The following UTP18 variants were observed in gnomAD, a reference collection of about 807,000 sequenced individuals.
The protein encoded by UTP18 is U3 small nucleolar RNA-associated protein 18 homolog.
UTP18 carries 36 observed loss-of-function variants against 61.1 expected under a neutral mutation model. The ratio of observed to expected loss-of-function variants is 0.59; its 90% confidence interval spans 0.45 to 0.78. UTP18 has a LOEUF of 0.78. Among genes scored for constraint, UTP18 ranks in the 30% least tolerant of loss-of-function variants. UTP18 has a pLI of 0.00. For missense variants in UTP18, 753 were observed against 693.9 expected, an observed-to-expected ratio of 1.09 and a Z score of -0.96; for synonymous variants, 282 against 251.1, an observed-to-expected ratio of 1.12 and a Z score of -1.16.
chr17:51,266,297 A>G lies in UTP18; in HGVS notation c.554+17A>G, dbSNP rs9911123. 124,955 of 1,558,202 alleles carry G rather than the reference A, an allele frequency of 0.08. 8,622 individuals carry two copies. Among genetic ancestry groups the G allele is most frequent in the African/African-American group, 0.37 (26,374 of 71,904 alleles). On this transcript the variant is annotated intron_variant, in intron 3 of 13. Coordinates refer to ENST00000225298, the MANE Select transcript of UTP18 (RefSeq NM_016001.3). ...TAAAGAAGAGTAAGTGTCTTTTTTC[A>G]TATGATTTACCAAGAGGTGTATGTA...
chr17:51,264,688 T>G (rs1271489014), intron 2 of UTP18, among the ~76,000 whole-genome samples: 1 of 147,414 alleles, frequency 6.8e-6, no homozygotes, highest in Non-Finnish European at 1.5e-5. Context: ...AGTCATTGTC[T>G]TCTTTTTTTT....
At chr17:51,286,438 G>A (rs1905117573) in intron 10 of UTP18, 1 of 455,610 alleles carries the variant, frequency 2.2e-6, no homozygotes, top group Non-Finnish European at 4.4e-6. Context: ...TTGTTGTCCA[G>A]AAACTTAGCA....
chr17:51,268,587 A>C (rs1299161522), intron 3 of UTP18, among the ~76,000 whole-genome samples: 2 of 152,246 alleles, frequency 1.3e-5, no homozygotes, highest in African/African-American at 4.8e-5. Context: ...AGATGGAAAT[A>C]ATTAACAAAA....
At chr17:51,280,929 G>A (rs898018309) in intron 9 of UTP18, among the ~76,000 whole-genome samples, 1 of 151,724 alleles carries the variant, frequency 6.6e-6, no homozygotes, top group Non-Finnish European at 1.5e-5. Flanking sequence ...TGTAATCCCA[G>A]CACTTTGGGA....
In UTP18 at chr17:51,260,559, G is replaced by A. The variant is rs776083391; in HGVS notation, c.-26G>A. ...ATGCGCAGCGAGGTTCCACGTGAGC[G>A]CCTGCGTTTCTCCTCAAACCTAACG... On this transcript the variant is annotated 5_prime_UTR_variant, in exon 1 of 14. Transcript: ENST00000225298. 8 of 1,598,784 alleles carry A rather than the reference G, an allele frequency of 5.0e-6. No homozygotes were observed. In the East Asian group the frequency reaches 1.6e-4, roughly 31 times the overall value.
rs201970296 is a variant in UTP18, at chr17:51,296,996, T to C, written c.*7T>C. The C allele has an allele frequency of 1.0e-3, 1,597 of 1,604,368 alleles. 3 individuals are homozygous for C. Among genetic ancestry groups the C allele is most frequent in the Non-Finnish European group, 1.2e-3 (1,443 of 1,176,378 alleles). ...CCATTACTCAGACTTCTAAAGAGAC[T>C]ATTTGAAGTAAGAAAACCCTTTTCT... On this transcript the variant is annotated 3_prime_UTR_variant, in exon 13 of 14. Transcript: ENST00000225298.
intron 11 of UTP18, 93 bp from the exon 12 acceptor site, chr17:51,293,810 T>C: frequency 8.9e-7 from 1 of 1,125,734 alleles, no homozygotes; most frequent in South Asian, 2.4e-5. Context: ...AAATGAGCTT[T>C]ATGTTTCAGC....
At chr17:51,286,351 A>T in intron 10 of UTP18, 4 of 377,386 alleles carry the variant, frequency 1.1e-5, no homozygotes, top group Admixed American at 3.4e-5. Flanking sequence ...GGTTTTTGTG[A>T]TTTTCTTAGA....
At chr17:51,297,112 A>G in intron 13 of UTP18, 109 bp downstream of exon 13, 2 of 921,390 alleles carry the variant, frequency 2.2e-6, no homozygotes, top group East Asian at 2.7e-5. Flanking sequence ...CCCCTAAGTT[A>G]CTGCATCTTT....
intron 11 of UTP18, among the ~76,000 whole-genome samples, chr17:51,293,123 C>A (rs994672217): frequency 6.6e-6 from 1 of 152,162 alleles, no homozygotes; most frequent in African/African-American, 2.4e-5. Context: ...TCCCTGTGAT[C>A]AGATTTTAGT....
chr17:51,286,726 G>C lies in UTP18; in HGVS notation c.1329-1303G>C, dbSNP rs531131385. 7.2e-5 allele frequency among the ~76,000 whole-genome samples: 11 copies of C among 152,270 alleles called. No homozygotes were observed. In the South Asian group the frequency reaches 2.3e-3, roughly 32 times the overall value. ...TCAGCACAAGCCAAGCATTTACCAG[G>C]GTAGTGTGCGCTATGGCAGCAATTC... On this transcript the variant is annotated intron_variant, in intron 10 of 13. Coordinates refer to ENST00000225298, the MANE Select transcript of UTP18 (RefSeq NM_016001.3).
At position 51,293,307 on chromosome 17, in the gene UTP18, T is replaced by C. The variant is rs1905279633; in HGVS notation, c.1504-596T>C. ...TTAATAACACATTAAAGATCAAATT[T>C]TATAGTGTGTACACATGGACACAGT... On this transcript the variant is annotated intron_variant, in intron 11 of 13. Coordinates refer to ENST00000225298, the MANE Select transcript of UTP18 (RefSeq NM_016001.3). Among the ~76,000 whole-genome samples the C allele has an allele frequency of 2.0e-5, 3 of 152,178 alleles. No homozygotes were observed. The South Asian group carries it at 6.2e-4, about 31-fold the overall frequency.
chr17:51,283,624 T>A (rs932625923), intron 9 of UTP18, among the ~76,000 whole-genome samples: 2 of 151,646 alleles, frequency 1.3e-5, no homozygotes, highest in Non-Finnish European at 3.0e-5. Context: ...TGGATTTTTT[T>A]TTTTTTTTGG....
chr17:51,276,738 C>G (rs1904733868), intron 6 of UTP18, among the ~76,000 whole-genome samples: 1 of 152,152 alleles, frequency 6.6e-6, no homozygotes, highest in South Asian at 2.1e-4. Context: ...TCCCAGTTTT[C>G]TTTTAGAGAA....
chr17:51,297,544 A>T (rs1905399829), intron 13 of UTP18, among the ~76,000 whole-genome samples: 1 of 152,222 alleles, frequency 6.6e-6, no homozygotes, highest in Non-Finnish European at 1.5e-5. Flanking sequence ...TGGCCTCTTC[A>T]TCACAGTTGA....
intron 11 of UTP18, 51 bp from the exon 12 acceptor site, chr17:51,293,852 A>C (rs1323893521): frequency 8.5e-6 from 12 of 1,407,738 alleles, no homozygotes; most frequent in Non-Finnish European, 1.1e-5. Context: ...CAATTTAAGA[A>C]ACATGAGCTC....
chr17:51,267,450 CT>C (rs201587480), intron 3 of UTP18, among the ~76,000 whole-genome samples: 2 of 134,930 alleles, frequency 1.5e-5, no homozygotes, highest in African/African-American at 5.1e-5. Flanking sequence ...AGTTCTAAAA[CT>C]TTTTTTTTGG....
intron 9 of UTP18, among the ~76,000 whole-genome samples, chr17:51,283,491 C>T (rs576682849): frequency 1.3e-5 from 2 of 151,862 alleles, no homozygotes; most frequent in South Asian, 4.2e-4. Context: ...TGTATGGAGT[C>T]GTTTGTGTGA....
In UTP18 at chr17:51,271,024, C is replaced by T. The variant is rs775005894; in HGVS notation, c.622+2120C>T. Among the ~76,000 whole-genome samples, 3 of 152,030 alleles carry T rather than the reference C, an allele frequency of 2.0e-5. No individual in the cohort carries two copies. The East Asian group carries it at 5.8e-4, about 29-fold the overall frequency. On this transcript the variant is annotated intron_variant, in intron 4 of 13. Coordinates refer to ENST00000225298, the MANE Select transcript of UTP18 (RefSeq NM_016001.3). ...TTATCTGTAAATATTTACTGAGTTT[C>T]GTTATAAGAAAATTCTCCCTTTTGA...
Sources: allele counts gnomAD v4.1 joint callset (sites outside exome capture counted in the v4.1 genomes callset), GRCh38; gene constraint gnomAD v4.1.1; transcripts MANE v1.5; gene names NCBI Gene and HGNC (gene_info 2026-07-23, HGNC 2026-07-21).